ANKIB1: variants seen among roughly 807,000 people sequenced by gnomAD.
ANKIB1 encodes the protein ankyrin repeat and IBR domain containing 1, also known as ankyrin repeat and IBR domain-containing protein 1.
ANKIB1 carries 43 observed loss-of-function variants against 122.1 expected under a neutral mutation model. That is an observed-to-expected ratio of 0.35 (90% confidence interval 0.28 to 0.45). ANKIB1 has a LOEUF of 0.45. Among genes scored for constraint, ANKIB1 ranks in the 20% least tolerant of loss-of-function variants. The pLI is 1.00. For synonymous variants in ANKIB1, 390 were observed against 442.0 expected (o/e 0.88, Z 1.48); for missense variants, 992 against 1,329.5 (o/e 0.75, Z 3.95).
chr7:92,317,363 A>G (rs907044200), intron 3 of ANKIB1, among the ~76,000 whole-genome samples: 7 of 152,130 alleles, frequency 4.6e-5, no homozygotes, highest in Non-Finnish European at 8.8e-5. Flanking sequence ...ACAAATTCCC[A>G]GGAGATACTA....
At chr7:92,279,243 T>C (rs907165675) in intron 1 of ANKIB1, among the ~76,000 whole-genome samples, 5 of 152,184 alleles carry the variant, frequency 3.3e-5, no homozygotes, top group Non-Finnish European at 5.9e-5. Flanking sequence ...TAACAGGCCA[T>C]GGACAGGTAC....
rs149495897 is a variant in ANKIB1, at chr7:92,267,959, A to G, written c.-91+21440A>G. Among the ~76,000 whole-genome samples the G allele has an allele frequency of 2.8e-3, 427 of 152,306 alleles. 2 individuals carry two copies. The highest frequency in any genetic ancestry group is 9.6e-3 in the African/African-American group (399 of 41,558). On this transcript the variant is annotated intron_variant, in intron 1 of 19. Coordinates refer to ENST00000265742, the MANE Select transcript of ANKIB1 (RefSeq NM_019004.2). Reference sequence around the variant, plus strand: ...AAGGGACCTATTGCATAAATAGAACATACGCCTTTGCTTCTAAAGATGTGT... The same window carrying G: ...AAGGGACCTATTGCATAAATAGAACGTACGCCTTTGCTTCTAAAGATGTGT...
rs1430167857 is a variant in ANKIB1, at chr7:92,396,406, T to A, written c.2325T>A (p.Arg775=). 6.3e-7 allele frequency: 1 copy of A among 1,598,388 alleles called. No homozygotes were observed. Among genetic ancestry groups the A allele is most frequent in the East Asian group, 2.3e-5 (1 of 44,394 alleles). The change falls in exon 18 of 20, where the codon CGT becomes CGA. Residue 775 remains arginine (R), a synonymous_variant. Transcript: ENST00000265742. ...AGTATCGGAGGAGGCACAGACAACG[T>A]CGTCGAGGAGATGTTCACAGTCTAC... is the stretch of plus-strand genomic sequence containing the variant. The part of the protein sequence containing the change: ...EFQYRRRHRQ[R]RRGDVHSLLS...
intron 1 of ANKIB1, among the ~76,000 whole-genome samples, chr7:92,276,157 G>T (rs1426120934): frequency 6.6e-6 from 1 of 152,106 alleles, no homozygotes; most frequent in Non-Finnish European, 1.5e-5. Context: ...ATACATAGAG[G>T]TGAATATATG....
intron 1 of ANKIB1, among the ~76,000 whole-genome samples, chr7:92,251,421 G>T (rs975145702): frequency 2.0e-5 from 3 of 152,024 alleles, no homozygotes; most frequent in African/African-American, 7.3e-5. Flanking sequence ...TCTGTTTCCT[G>T]GCCTTAGGCA....
chr7:92,398,104 TAAATA>T, intron 19 of ANKIB1, 103 bp from the exon 20 acceptor site: 2 of 1,226,742 alleles, frequency 1.6e-6, no homozygotes, highest in Non-Finnish European at 2.2e-6. Flanking sequence ...TTTTTCTGTA[TAAATA>T]AAATTAATAA....
intron 10 of ANKIB1, 131 bp downstream of exon 10, chr7:92,362,404 A>G: frequency 1.3e-6 from 1 of 767,266 alleles, no homozygotes; most frequent in African/African-American, 1.7e-5. Flanking sequence ...CCTGTTTAAC[A>G]TCACAATCCC....
At chr7:92,329,468 A>G (rs1186645719) in intron 5 of ANKIB1, among the ~76,000 whole-genome samples, 5 of 152,232 alleles carry the variant, frequency 3.3e-5, no homozygotes, top group African/African-American at 1.2e-4. Context: ...TACCAAGTGG[A>G]CCATTCTCTG....
At chr7:92,268,319 C>T (rs1412457607) in intron 1 of ANKIB1, among the ~76,000 whole-genome samples, 5 of 152,216 alleles carry the variant, frequency 3.3e-5, no homozygotes, top group Admixed American at 1.3e-4. Context: ...GTGATGGAAC[C>T]GCTGTCAGGT....
intron 18 of ANKIB1, among the ~76,000 whole-genome samples, chr7:92,396,807 T>C (rs1202434862): frequency 1.3e-5 from 2 of 152,188 alleles, no homozygotes; most frequent in Non-Finnish European, 2.9e-5. Flanking sequence ...AATTAGATAA[T>C]GCATCTAAAA....
At chr7:92,292,731 A>T (rs767625613) in intron 1 of ANKIB1, among the ~76,000 whole-genome samples, 14 of 152,196 alleles carry the variant, frequency 9.2e-5, no homozygotes, top group Non-Finnish European at 1.6e-4. Context: ...ATTAAATAAA[A>T]ACTTAACTAT....
intron 5 of ANKIB1, among the ~76,000 whole-genome samples, chr7:92,329,383 T>A (rs1803107959): frequency 6.6e-6 from 1 of 152,206 alleles, no homozygotes; most frequent in African/African-American, 2.4e-5. Context: ...AAATGGAGAT[T>A]CCTAGGAATA....
At chr7:92,269,766 A>G (rs1239053620) in intron 1 of ANKIB1, among the ~76,000 whole-genome samples, 2 of 151,830 alleles carry the variant, frequency 1.3e-5, no homozygotes, top group East Asian at 1.9e-4. Context: ...TCTCTTCTAT[A>G]ACTATCCGTA....
chr7:92,369,730 T>C (rs530715851), intron 10 of ANKIB1, among the ~76,000 whole-genome samples: 1 of 152,348 alleles, frequency 6.6e-6, no homozygotes, highest in African/African-American at 2.4e-5. Flanking sequence ...TCAGTGATTC[T>C]AAAATGATTT....
chr7:92,358,516 A>G (rs1366373455), intron 9 of ANKIB1, among the ~76,000 whole-genome samples: 1 of 148,026 alleles, frequency 6.8e-6, no homozygotes, highest in Non-Finnish European at 1.5e-5. Context: ...TTGATAAGCA[A>G]TTACGGCTTT....
At chr7:92,289,725 T>G (rs1455617017) in intron 1 of ANKIB1, among the ~76,000 whole-genome samples, 1 of 152,234 alleles carries the variant, frequency 6.6e-6, no homozygotes. Context: ...GCATGTTGAC[T>G]GGGGGAATGA....
chr7:92,325,303 A>T (rs1803004558), intron 4 of ANKIB1, among the ~76,000 whole-genome samples: 1 of 152,226 alleles, frequency 6.6e-6, no homozygotes, highest in South Asian at 2.1e-4. Flanking sequence ...ATTGCTGGCT[A>T]CATTAGTTAG....
intron 10 of ANKIB1, among the ~76,000 whole-genome samples, chr7:92,370,400 C>T (rs897136003): frequency 1.4e-5 from 2 of 147,246 alleles, no homozygotes; most frequent in African/African-American, 2.5e-5. Context: ...CCCAGCTACT[C>T]GGGAGGCTGA....
intron 2 of ANKIB1, among the ~76,000 whole-genome samples, chr7:92,296,356 A>G (rs1036397285): frequency 2.0e-5 from 3 of 151,990 alleles, no homozygotes; most frequent in South Asian, 4.2e-4. Context: ...CCAAGTAGCT[A>G]GGACTACAGG....
Sources: allele counts gnomAD v4.1 joint callset (sites outside exome capture counted in the v4.1 genomes callset), GRCh38; gene constraint gnomAD v4.1.1; transcripts MANE v1.5; gene names NCBI Gene and HGNC (gene_info 2026-07-23, HGNC 2026-07-21).